Variants in TTC17 observed in about 807,000 individuals in gnomAD.
TTC17 encodes tetratricopeptide repeat domain 17.
Under a neutral mutation model 143.8 loss-of-function variants are expected in TTC17, and 58 were observed. The ratio of observed to expected loss-of-function variants is 0.40; its 90% CI spans 0.33 to 0.50. The LOEUF is 0.50. TTC17 is among the 20% of genes least tolerant of loss of function. TTC17 has a pLI of 0.49. For missense variants in TTC17, 1,273 were observed against 1,392.5 expected (o/e 0.91, Z 1.37); for synonymous variants, 501 against 497.8 (o/e 1.01, Z -0.09).
rs1272494559 is a variant in TTC17 at position 43,407,158 on chromosome 11, TAACTA to T, written c.1783_1787del (p.Asn595TyrfsTer16). On this transcript the variant is annotated frameshift_variant, in exon 14 of 24. Coordinates refer to ENST00000039989, the MANE Select transcript of TTC17 (RefSeq NM_018259.6). LOFTEE classifies it high-confidence loss of function. ...TTCAGATTTTGCTTTCCCGTATTAATAACTATACTATCCCAGAAGAAGAAATTGGG... is the reference window on the plus strand; with the variant it reads ...TTCAGATTTTGCTTTCCCGTATTAATTACTATCCCAGAAGAAGAAATTGGG... The T allele has an allele frequency of 6.3e-7, 1 of 1,592,734 alleles. No individual in the cohort carries two copies. The highest frequency in any genetic ancestry group is 1.8e-5 in the Admixed American group (1 of 55,098).
intron 5 of TTC17, chr11:43,396,193 A>G (rs1043932496): frequency 2.0e-5 from 3 of 150,268 alleles, no homozygotes; most frequent in African/African-American, 4.9e-5. Context: ...TACACATTTT[A>G]CATACTTCTT....
chr11:43,376,666 C>T (rs144453148), intron 1 of TTC17, among the ~76,000 whole-genome samples: 180 of 152,268 alleles, frequency 1.2e-3, no homozygotes, highest in Middle Eastern at 3.4e-3. Context: ...TTCTTTTACA[C>T]GTTGTATATG....
chr11:43,387,173 A>G (rs941698182), intron 2 of TTC17, among the ~76,000 whole-genome samples: 43 of 152,236 alleles, frequency 2.8e-4, no homozygotes, highest in Non-Finnish European at 4.3e-4. Context: ...TCATAAACAT[A>G]TGAAAATATG....
At chr11:43,481,569 A>G (rs1420667598) in intron 21 of TTC17, among the ~76,000 whole-genome samples, 1 of 152,162 alleles carries the variant, frequency 6.6e-6, no homozygotes. Context: ...ATCTAGGGCT[A>G]TTCAAATTAT....
At chr11:43,425,097 T>A (rs1946995631) in intron 16 of TTC17, among the ~76,000 whole-genome samples, 2 of 152,152 alleles carry the variant, frequency 1.3e-5, no homozygotes, top group Non-Finnish European at 2.9e-5. Flanking sequence ...GACATTTCAG[T>A]TTATGTAATG....
At chr11:43,491,247 C>A (rs1008482575) in intron 22 of TTC17, 14 of 152,194 alleles carry the variant, frequency 9.2e-5, no homozygotes, top group Non-Finnish European at 1.8e-4. Context: ...TGCTACAGAA[C>A]CCAATATGGC....
At chr11:43,491,059 G>A (rs1219416024) in intron 22 of TTC17, 2 of 152,128 alleles carry the variant, frequency 1.3e-5, no homozygotes, top group African/African-American at 2.4e-5. Context: ...TCAAGGCAAT[G>A]TATGGAATGA....
At chr11:43,471,102 C>G (rs1948083983) in intron 21 of TTC17, among the ~76,000 whole-genome samples, 1 of 152,158 alleles carries the variant, frequency 6.6e-6, no homozygotes, top group Non-Finnish European at 1.5e-5. Context: ...CCACCTGATC[C>G]ACCTGCACTA....
chr11:43,443,333 G>A lies in TTC17; in HGVS notation c.2260G>A (p.Val754Ile). 1.2e-6 allele frequency: 2 copies of A among 1,614,058 alleles called. No individual in the cohort carries two copies. The highest frequency in any genetic ancestry group is 8.5e-7 in the Non-Finnish European group (1 of 1,179,964). ...TGGCCCTTGAATTTCAGGTACGGTG[G>A]TTGAGGAGAGCAATGGTTCTGATGA... The part of the protein sequence containing the change: ...ITSSVCSGTV[V>I]EESNGSDEME... The change falls in exon 17 of 24, where the codon GTT becomes ATT. Residue 754 changes from valine (V) to isoleucine (I), a missense_variant. This residue lies in a region of TTC17 where 878 missense variants were observed against 899.8 expected (regional missense o/e 0.98). Transcript: ENST00000039989.
At chr11:43,374,755 A>G (rs1856699500) in intron 1 of TTC17, among the ~76,000 whole-genome samples, 1 of 151,926 alleles carries the variant, frequency 6.6e-6, no homozygotes, top group African/African-American at 2.4e-5. Flanking sequence ...AGACCAAAAA[A>G]AAAAAAAAAA....
intron 21 of TTC17, among the ~76,000 whole-genome samples, chr11:43,489,266 G>A (rs919425184): frequency 1.3e-5 from 2 of 152,088 alleles, no homozygotes; most frequent in South Asian, 2.1e-4. Context: ...CAGAAAAGAC[G>A]TTCAAAAGGC....
intron 2 of TTC17, among the ~76,000 whole-genome samples, chr11:43,382,354 T>C (rs967734287): frequency 6.6e-6 from 1 of 152,168 alleles, no homozygotes; most frequent in Admixed American, 6.5e-5. Context: ...GTTAAAAACA[T>C]TGATGAAAAA....
chr11:43,460,242 T>A (rs1947840388), intron 21 of TTC17, among the ~76,000 whole-genome samples: 1 of 152,186 alleles, frequency 6.6e-6, no homozygotes. Context: ...CCTTGTTTAG[T>A]TCTTCTCTCT....
intron 15 of TTC17, among the ~76,000 whole-genome samples, chr11:43,413,886 GGTT>G (rs1340422789): frequency 6.6e-6 from 1 of 152,086 alleles, no homozygotes; most frequent in Non-Finnish European, 1.5e-5. Context: ...AAGACTATTT[GGTT>G]GTTATCTACT....
At chr11:43,380,778 C>G (rs1395811643) in intron 2 of TTC17, among the ~76,000 whole-genome samples, 1 of 152,220 alleles carries the variant, frequency 6.6e-6, no homozygotes, top group Non-Finnish European at 1.5e-5. Flanking sequence ...GTTTCTAGAA[C>G]TTGAATACCT....
chr11:43,493,991 T>A lies in TTC17; in HGVS notation c.*87T>A, dbSNP rs1948516753. The A allele has an allele frequency of 6.9e-7, 1 of 1,439,370 alleles. No homozygotes were observed. 89.2% of individuals were successfully genotyped at this position (1,439,370 alleles called of 1,614,324 possible). On this transcript the variant is annotated 3_prime_UTR_variant, in exon 24 of 24. Transcript: ENST00000039989. ...AACCAATCATTGTCAGTATCTACTA[T>A]TAATGATGTGTGTGAAAATAACTAA...
intron 21 of TTC17, among the ~76,000 whole-genome samples, chr11:43,457,535 A>G (rs937392326): frequency 6.6e-6 from 1 of 152,238 alleles, no homozygotes; most frequent in Non-Finnish European, 1.5e-5. Flanking sequence ...TCAGTGGACA[A>G]GGACTTTAAG....
chr11:43,464,541 G>A (rs1947934896), intron 21 of TTC17, among the ~76,000 whole-genome samples: 1 of 152,060 alleles, frequency 6.6e-6, no homozygotes, highest in Non-Finnish European at 1.5e-5. Flanking sequence ...TGAAAAGCTG[G>A]GAACAGTATT....
intron 18 of TTC17, among the ~76,000 whole-genome samples, chr11:43,447,229 T>TA (rs1245330630): frequency 6.6e-6 from 1 of 151,992 alleles, no homozygotes; most frequent in African/African-American, 2.4e-5. Flanking sequence ...CACATGAGGT[T>TA]AAAAAAAGAA....
Sources: gnomAD v4.1 joint callset for allele counts (sites outside exome capture counted in the v4.1 genomes callset) on GRCh38, gnomAD v4.1.1 for gene constraint, gnomAD v4.1.1 regional missense constraint, MANE v1.5 for transcripts, NCBI Gene and HGNC (gene_info 2026-07-23, HGNC 2026-07-21) for gene names.